STXBP5L: variants seen among roughly 807,000 people sequenced by gnomAD.
The protein encoded by STXBP5L is syntaxin-binding protein 5-like.
STXBP5L carries 65 observed loss-of-function variants against 144.5 expected under a neutral mutation model. The ratio of observed to expected loss-of-function variants is 0.45; its 90% CI spans 0.37 to 0.55. The LOEUF is 0.55. Among genes scored for constraint, STXBP5L ranks in the 20% least tolerant of loss-of-function variants. The pLI, the probability that STXBP5L is intolerant of heterozygous loss-of-function variation, is 0.00. For synonymous variants in STXBP5L, 505 were observed against 469.6 expected, an observed-to-expected ratio of 1.08 and a Z score of -0.97; for missense variants, 1,298 against 1,405.5, an observed-to-expected ratio of 0.92 and a Z score of 1.22.
chr3:121,065,546 T>TTGAGTTTA (rs1172311769), intron 5 of STXBP5L, among the ~76,000 whole-genome samples: 3 of 152,208 alleles, frequency 2.0e-5, no homozygotes, highest in Non-Finnish European at 4.4e-5. Flanking sequence ...AGGAGACTAG[T>TTGAGTTTA]CATAGCTTAG....
intron 3 of STXBP5L, among the ~76,000 whole-genome samples, chr3:120,999,788 G>A (rs74376028): frequency 0.017 from 2,613 of 152,122 alleles, 64 homozygotes; most frequent in African/African-American, 0.052. Context: ...AATTTTCTTA[G>A]CATTTGCTTG....
At chr3:121,067,357 A>G (rs1207685283) in intron 5 of STXBP5L, among the ~76,000 whole-genome samples, 1 of 152,070 alleles carries the variant, frequency 6.6e-6, no homozygotes, top group East Asian at 1.9e-4. Flanking sequence ...TTGAACTAAA[A>G]CTTTTATAAT....
intron 7 of STXBP5L, among the ~76,000 whole-genome samples, chr3:121,145,949 G>A (rs1041295423): frequency 2.0e-5 from 3 of 152,018 alleles, no homozygotes; most frequent in African/African-American, 4.8e-5. Context: ...GAACAAAAAA[G>A]ACGAAAGGTG....
intron 5 of STXBP5L, among the ~76,000 whole-genome samples, chr3:121,096,853 G>C (rs543977344): frequency 1.3e-5 from 2 of 152,120 alleles, no homozygotes; most frequent in Admixed American, 1.3e-4. Flanking sequence ...CAGTCTGATG[G>C]TTAGTATAGC....
intron 6 of STXBP5L, among the ~76,000 whole-genome samples, chr3:121,119,786 AC>A (rs2107844670): frequency 6.6e-6 from 1 of 151,378 alleles, no homozygotes; most frequent in South Asian, 2.1e-4. Flanking sequence ...AATAATGTGA[AC>A]CCTTTTTCCT....
At chr3:121,296,748 G>A (rs2051666551) in intron 19 of STXBP5L, among the ~76,000 whole-genome samples, 1 of 152,128 alleles carries the variant, frequency 6.6e-6, no homozygotes, top group Non-Finnish European at 1.5e-5. Flanking sequence ...TTTAATGGCT[G>A]TTTGGACTGA....
At chr3:121,053,987 A>G (rs1948241960) in intron 5 of STXBP5L, among the ~76,000 whole-genome samples, 1 of 152,214 alleles carries the variant, frequency 6.6e-6, no homozygotes, top group African/African-American at 2.4e-5. Flanking sequence ...GACACATGAA[A>G]AAATGCTCAT....
chr3:121,268,228 A>G (rs2050635132), intron 18 of STXBP5L, among the ~76,000 whole-genome samples: 1 of 152,222 alleles, frequency 6.6e-6, no homozygotes, highest in Non-Finnish European at 1.5e-5. Flanking sequence ...CTATGCAGCC[A>G]TGAAAATGTA....
chr3:121,070,820 A>G (rs56217411), intron 5 of STXBP5L, among the ~76,000 whole-genome samples: 2,226 of 152,274 alleles, frequency 0.015, 58 homozygotes, highest in African/African-American at 0.051. Flanking sequence ...GAGTACGGGA[A>G]TACTTCTGTT....
intron 7 of STXBP5L, among the ~76,000 whole-genome samples, chr3:121,126,183 A>G (rs944229806): frequency 3.9e-5 from 6 of 152,142 alleles, no homozygotes; most frequent in Admixed American, 6.6e-5. Context: ...ATTATTCTCG[A>G]TAAGGGACTG....
At chr3:121,118,396 T>C (rs2044321357) in intron 6 of STXBP5L, among the ~76,000 whole-genome samples, 2 of 151,588 alleles carry the variant, frequency 1.3e-5, no homozygotes, top group Admixed American at 6.6e-5. Context: ...AACAGAATAT[T>C]TAAAGGATGG....
At chr3:121,089,107 A>AG (rs2042644918) in intron 5 of STXBP5L, among the ~76,000 whole-genome samples, 1 of 113,472 alleles carries the variant, frequency 8.8e-6, no homozygotes, top group Non-Finnish European at 1.8e-5. Flanking sequence ...AAAAAAAAAA[A>AG]AAAAAAAAAA....
At chr3:121,021,478 G>A (rs1019724529) in intron 3 of STXBP5L, among the ~76,000 whole-genome samples, 1 of 152,080 alleles carries the variant, frequency 6.6e-6, no homozygotes, top group Non-Finnish European at 1.5e-5. Flanking sequence ...CCATTCATTA[G>A]CATATGGAAC....
Position 121,255,082 on chromosome 3 carries a change from C to T in STXBP5L, c.1629C>T (p.Phe543=). The change falls in exon 16 of 27, where the codon TTC becomes TTT. Residue 543 remains phenylalanine, a synonymous_variant. Coordinates refer to ENST00000471454, the MANE Select transcript of STXBP5L (RefSeq NM_001308330.2). The stretch of plus-strand genomic sequence containing the variant: ...CTGCATATGTCATAATTTATAAATT[C>T]AGCAGACATGAAATTACAACAGAAA... The part of the protein sequence containing the change: ...GVSAYVIIYK[F]SRHEITTEIV... 1 of 1,597,804 alleles carries T rather than the reference C, an allele frequency of 6.3e-7. No individual in the cohort carries two copies.
At position 121,423,741 on chromosome 3, in the gene STXBP5L, T is replaced by G. The variant is rs1560078061; in HGVS notation, c.*4644T>G. 6.6e-6 allele frequency: 1 copy of G among 152,234 alleles called. No homozygotes were observed. Among genetic ancestry groups the G allele is most frequent in the Non-Finnish European group, 1.5e-5 (1 of 68,042 alleles). The allele number at this position is 152,234 out of a possible 1,614,324, so 9.4% of individuals were successfully genotyped here. On this transcript the variant is annotated 3_prime_UTR_variant, in exon 27 of 27. Coordinates refer to ENST00000471454, the MANE Select transcript of STXBP5L (RefSeq NM_001308330.2). ...TGATTATCACTGCTTTATGGCCAAC[T>G]AAGGAAACCTTGTTTGTCTGCCTTG...
At chr3:121,402,536 T>C (rs1048546116) in intron 22 of STXBP5L, among the ~76,000 whole-genome samples, 2 of 152,224 alleles carry the variant, frequency 1.3e-5, no homozygotes, top group African/African-American at 4.8e-5. Flanking sequence ...GTCAACTCTC[T>C]TGCCTCCTTT....
chr3:121,215,321 G>A (rs1018468849), intron 10 of STXBP5L, among the ~76,000 whole-genome samples: 2 of 152,144 alleles, frequency 1.3e-5, no homozygotes, highest in African/African-American at 4.8e-5. Context: ...AATATGGTAT[G>A]TTTTTGCAAT....
intron 22 of STXBP5L, among the ~76,000 whole-genome samples, chr3:121,398,874 C>T (rs2046800712): frequency 6.6e-6 from 1 of 152,144 alleles, no homozygotes; most frequent in Admixed American, 6.5e-5. Flanking sequence ...ACTGCCAAGC[C>T]TCTAAATCAC....
intron 20 of STXBP5L, among the ~76,000 whole-genome samples, chr3:121,345,371 C>T (rs1476807419): frequency 1.3e-5 from 2 of 152,020 alleles, no homozygotes; most frequent in Non-Finnish European, 2.9e-5. Flanking sequence ...GTATTCCATG[C>T]TGTATATGTG....
Sources: allele counts gnomAD v4.1 joint callset (sites outside exome capture counted in the v4.1 genomes callset), GRCh38; gene constraint gnomAD v4.1.1; transcripts MANE v1.5; gene names NCBI Gene and HGNC (gene_info 2026-07-23, HGNC 2026-07-21).